The following FGF12 variants were observed in gnomAD, a reference collection of about 807,000 sequenced individuals.
FGF12 encodes fibroblast growth factor 12B.
FGF12 carries 14 observed loss-of-function variants against 23.6 expected under a neutral mutation model. The ratio of observed to expected loss-of-function variants is 0.59; its 90% CI spans 0.39 to 0.93. The LOEUF (loss-of-function observed/expected upper bound fraction) is 0.93. FGF12 is among the 40% of genes least tolerant of loss of function. The probability of loss-of-function intolerance (pLI) is 0.00; values close to 1 mark genes in which losing one functional copy is unlikely to be tolerated. For synonymous variants in FGF12, 62 were observed against 77.3 expected (o/e 0.80, Z 1.04); for missense variants, 175 against 217.8 (o/e 0.80, Z 1.24).
intron 2 of FGF12, among the ~76,000 whole-genome samples, chr3:192,474,336 G>T (rs1347460883): frequency 6.6e-6 from 1 of 152,016 alleles, no homozygotes; most frequent in Non-Finnish European, 1.5e-5. Flanking sequence ...TCATTTTAGG[G>T]GCAAGTAATT....
chr3:192,408,056 G>A lies in FGF12; in HGVS notation c.14-47518C>T, dbSNP rs2108775971. On this transcript the variant is annotated intron_variant, in intron 2 of 5. Transcript: ENST00000445105. The surrounding 1 kb of genome is among the most constrained non-coding windows in gnomAD (Gnocchi z 7.3). ...TCCGCCTCACCGGCCTCTTGCGGCC[G>A]CTGCAGAAGCGCACTTTGCTGAACA... The A allele has an allele frequency of 2.5e-6, 4 of 1,612,184 alleles. No individual in the cohort carries two copies. The highest frequency in any genetic ancestry group is 3.4e-6 in the Non-Finnish European group (4 of 1,179,568).
intron 2 of FGF12, among the ~76,000 whole-genome samples, chr3:192,586,697 G>C (rs957756069): frequency 1.8e-4 from 28 of 152,240 alleles, no homozygotes; most frequent in African/African-American, 6.5e-4. Context: ...GGGTATCAAA[G>C]ACTAAATTTC....
intron 2 of FGF12, among the ~76,000 whole-genome samples, chr3:192,438,572 T>C (rs1444906053): frequency 3.3e-5 from 5 of 152,180 alleles, no homozygotes; most frequent in African/African-American, 1.2e-4. Flanking sequence ...AAATCACTAA[T>C]TAATAAGCCT....
At chr3:192,257,930 G>A (rs1712504098) in intron 4 of FGF12, among the ~76,000 whole-genome samples, 1 of 151,490 alleles carries the variant, frequency 6.6e-6, no homozygotes, top group Non-Finnish European at 1.5e-5. Context: ...GCAAATGTTT[G>A]AGAATCAAAC....
intron 2 of FGF12, among the ~76,000 whole-genome samples, chr3:192,585,843 C>G (rs1255064219): frequency 2.0e-5 from 3 of 152,076 alleles, no homozygotes; most frequent in Non-Finnish European, 4.4e-5. Flanking sequence ...ACCGATGAAA[C>G]CCCATGATTA....
chr3:192,599,407 C>G (rs553092219), intron 2 of FGF12, among the ~76,000 whole-genome samples: 1 of 151,816 alleles, frequency 6.6e-6, no homozygotes, highest in Non-Finnish European at 1.5e-5. Flanking sequence ...AAAAATATCT[C>G]GACTACTTAT....
chr3:192,666,514 A>C (rs897344112), intron 2 of FGF12, among the ~76,000 whole-genome samples: 3 of 152,270 alleles, frequency 2.0e-5, no homozygotes, highest in African/African-American at 7.2e-5. Context: ...ACTATAAACA[A>C]GTGCCACTAT....
intron 5 of FGF12, among the ~76,000 whole-genome samples, chr3:192,167,731 G>GTGTA (rs1461525196): frequency 1.2e-4 from 3 of 25,046 alleles, no homozygotes; most frequent in African/African-American, 6.2e-4. Flanking sequence ...TAGGTTATAG[G>GTGTA]TATATATATA....
In FGF12 at chr3:192,727,086, T is replaced by TG. The variant is rs759922029; in HGVS notation, c.13+94dup. Reference sequence around the variant, plus strand: ...CTCCTCCTCTATCGACCTAGTATGATGCTCGCTCCCCAAGCACTGCAGTCC... The same window carrying TG: ...CTCCTCCTCTATCGACCTAGTATGATGGCTCGCTCCCCAAGCACTGCAGTCC... On this transcript the variant is annotated intron_variant, in intron 2 of 5. Coordinates refer to ENST00000445105, the MANE Select transcript of FGF12 (RefSeq NM_004113.6). The TG allele has an allele frequency of 4.2e-4, 621 of 1,464,136 alleles. 1 individual carries two copies. The highest frequency in any genetic ancestry group is 5.5e-4 in the Non-Finnish European group (583 of 1,067,120). The allele number at this position is 1,464,136 out of a possible 1,614,324, so 90.7% of individuals were successfully genotyped here. A position where few individuals can be genotyped will look rare whatever the true frequency, so the allele number is the denominator to read the frequency against.
intron 4 of FGF12, among the ~76,000 whole-genome samples, chr3:192,200,837 T>C (rs1717329758): frequency 6.6e-6 from 1 of 152,164 alleles, no homozygotes; most frequent in Non-Finnish European, 1.5e-5. Context: ...TGGTTCTGTA[T>C]TTTATATTAT....
intron 2 of FGF12, among the ~76,000 whole-genome samples, chr3:192,475,584 G>C (rs1202689596): frequency 1.3e-5 from 2 of 152,158 alleles, no homozygotes; most frequent in Non-Finnish European, 1.5e-5. Context: ...CCCACTGATG[G>C]GAAAGTTGTA....
intron 2 of FGF12, among the ~76,000 whole-genome samples, chr3:192,378,115 C>G (rs202065171): frequency 6.1e-5 from 6 of 98,938 alleles, no homozygotes; most frequent in East Asian, 2.9e-4. Flanking sequence ...CCTTCTTTCT[C>G]TCTTTGTTTT....
intron 2 of FGF12, among the ~76,000 whole-genome samples, chr3:192,378,039 T>TC (rs1491093817): frequency 0.022 from 1,571 of 72,298 alleles, 297 homozygotes; most frequent in African/African-American, 0.11. Context: ...TCTTTCTTTC[T>TC]TTCTTTCTTT....
In FGF12 at chr3:192,546,948, G is replaced by A. The variant is rs9813322; in HGVS notation, c.13+180233C>T. On this transcript the variant is annotated intron_variant, in intron 2 of 5. Coordinates refer to ENST00000445105, the MANE Select transcript of FGF12 (RefSeq NM_004113.6). Reference sequence around the variant, plus strand: ...CACCTGTAGTCCTAGCTACTTCGGAGGCTGCAGTGGGAGGATCGCTTGAGC... The same window carrying A: ...CACCTGTAGTCCTAGCTACTTCGGAAGCTGCAGTGGGAGGATCGCTTGAGC... 1.4e-3 allele frequency among the ~76,000 whole-genome samples: 218 copies of A among 152,160 alleles called. 1 individual carries two copies. Among genetic ancestry groups the A allele is most frequent in the African/African-American group, 5.1e-3 (213 of 41,552 alleles).
intron 2 of FGF12, among the ~76,000 whole-genome samples, chr3:192,726,405 G>T (rs1719216524): frequency 6.6e-6 from 1 of 152,120 alleles, no homozygotes; most frequent in Admixed American, 6.5e-5. Context: ...TGCATAGATG[G>T]GGTTAAATCC....
Position 192,351,449 on chromosome 3 carries a change from G to A in FGF12, c.124+8979C>T, listed in dbSNP as rs546140663. 5.3e-5 allele frequency among the ~76,000 whole-genome samples: 8 copies of A among 152,258 alleles called. No homozygotes were observed. In the South Asian group the frequency reaches 6.2e-4, roughly 12 times the overall value. On this transcript the variant is annotated intron_variant, in intron 3 of 5. Coordinates refer to ENST00000445105, the MANE Select transcript of FGF12 (RefSeq NM_004113.6). ...GATATTTAAGGGGTTTGTACTGTTCGTTTAAAGTTCTGTTCTGTTATTTTG... is the reference window on the plus strand; with the variant it reads ...GATATTTAAGGGGTTTGTACTGTTCATTTAAAGTTCTGTTCTGTTATTTTG...
intron 4 of FGF12, among the ~76,000 whole-genome samples, chr3:192,203,589 A>T (rs1717490312): frequency 7.3e-6 from 1 of 137,190 alleles, no homozygotes. Flanking sequence ...TTTTTTGAAG[A>T]TAGGGTCTTA....
chr3:192,177,126 T>C (rs1181974949), intron 4 of FGF12, among the ~76,000 whole-genome samples: 4 of 152,218 alleles, frequency 2.6e-5, no homozygotes, highest in Non-Finnish European at 4.4e-5. Flanking sequence ...ATTTGAATTA[T>C]CTAAATTTCT....
chr3:192,227,727 G>A (rs901373443), intron 4 of FGF12, among the ~76,000 whole-genome samples: 4 of 151,950 alleles, frequency 2.6e-5, no homozygotes, highest in African/African-American at 9.7e-5. Context: ...CACTCCCAAC[G>A]AACCATCATT....
Sources: allele counts gnomAD v4.1 joint callset (sites outside exome capture counted in the v4.1 genomes callset), GRCh38; gene constraint gnomAD v4.1.1; non-coding constraint Gnocchi (gnomAD v3.1); transcripts MANE v1.5; gene names NCBI Gene and HGNC (gene_info 2026-07-23, HGNC 2026-07-21).